The following TNNI3K variants were observed in gnomAD, a reference collection of about 807,000 sequenced individuals.
TNNI3K encodes serine/threonine-protein kinase TNNI3K.
A neutral mutation model predicts 114.5 loss-of-function variants in TNNI3K; 140 were observed. The ratio of observed to expected loss-of-function variants is 1.22; its 90% CI spans 1.07 to 1.41. TNNI3K has a LOEUF of 1.41. TNNI3K is among the 40% of genes most tolerant of loss of function. The pLI is 0.00. For missense variants in TNNI3K, 1,125 were observed against 1,007.6 expected (o/e 1.12, Z -1.58); for synonymous variants, 347 against 347.5 (o/e 1.00, Z 0.02).
intron 21 of TNNI3K, among the ~76,000 whole-genome samples, chr1:74,487,946 G>C (rs576439500): frequency 7.2e-5 from 11 of 152,168 alleles, no homozygotes; most frequent in Non-Finnish European, 1.3e-4. Flanking sequence ...TGGAGGCATT[G>C]GTCATGACAG....
chr1:74,542,630 A>G (rs1293637679), intron 24 of TNNI3K, among the ~76,000 whole-genome samples: 2 of 152,204 alleles, frequency 1.3e-5, no homozygotes, highest in African/African-American at 2.4e-5. Flanking sequence ...ATATTTTGAC[A>G]AGAGACCTTT....
intron 4 of TNNI3K, among the ~76,000 whole-genome samples, chr1:74,270,223 T>C (rs570017215): frequency 1.4e-4 from 21 of 151,680 alleles, no homozygotes; most frequent in Non-Finnish European, 3.0e-4. Flanking sequence ...GGTGAACTCA[T>C]TTGAGATTTA....
At chr1:74,415,416 G>A (rs1057355994) in intron 17 of TNNI3K, among the ~76,000 whole-genome samples, 7 of 152,150 alleles carry the variant, frequency 4.6e-5, no homozygotes, top group Non-Finnish European at 1.0e-4. Context: ...TGAGTATAGA[G>A]ATTTATGTAT....
intron 11 of TNNI3K, among the ~76,000 whole-genome samples, chr1:74,356,949 A>G (rs1661691562): frequency 6.6e-6 from 1 of 152,158 alleles, no homozygotes; most frequent in East Asian, 1.9e-4. Context: ...ATGTTTTGCA[A>G]ATGTTCTAGG....
At chr1:74,436,374 T>A in intron 18 of TNNI3K, 100 bp from the exon 19 acceptor site, 1 of 1,355,190 alleles carries the variant, frequency 7.4e-7, no homozygotes, top group Non-Finnish European at 9.9e-7. Flanking sequence ...AGAATTTGAA[T>A]AAGACAGAAG....
intron 17 of TNNI3K, among the ~76,000 whole-genome samples, chr1:74,420,603 C>T (rs1263402808): frequency 6.6e-6 from 1 of 152,256 alleles, no homozygotes; most frequent in Non-Finnish European, 1.5e-5. Context: ...AGCAGCATCA[C>T]AGCCTTCAGA....
At chr1:74,235,608 G>T (rs966533146) in intron 1 of TNNI3K, 117 bp downstream of exon 1, 1 of 579,526 alleles carries the variant, frequency 1.7e-6, no homozygotes, top group African/African-American at 2.0e-5. Context: ...AAGGCAGCAT[G>T]TTTTGTGAAA....
At chr1:74,541,934 G>T (rs1043055430) in intron 24 of TNNI3K, among the ~76,000 whole-genome samples, 3 of 152,156 alleles carry the variant, frequency 2.0e-5, no homozygotes, top group Non-Finnish European at 4.4e-5. Flanking sequence ...CTGCTTTGCC[G>T]CCAAAGAGCA....
intron 17 of TNNI3K, among the ~76,000 whole-genome samples, chr1:74,388,869 G>T (rs899122909): frequency 6.6e-6 from 1 of 152,114 alleles, no homozygotes; most frequent in African/African-American, 2.4e-5. Context: ...TTCAAATTAG[G>T]CAATAAGTAG....
At chr1:74,465,899 G>C (rs1170090436) in intron 21 of TNNI3K, among the ~76,000 whole-genome samples, 5 of 152,202 alleles carry the variant, frequency 3.3e-5, no homozygotes, top group Admixed American at 3.3e-4. Context: ...GGCCAGATAA[G>C]GGAATAAAAG....
chr1:74,364,929 C>A (rs1465018523), intron 11 of TNNI3K, among the ~76,000 whole-genome samples: 1 of 152,026 alleles, frequency 6.6e-6, no homozygotes, highest in Non-Finnish European at 1.5e-5. Context: ...TTTTGACCTC[C>A]AGAATTATAA....
chr1:74,435,816 G>A (rs1202078536), intron 17 of TNNI3K, among the ~76,000 whole-genome samples: 1 of 151,956 alleles, frequency 6.6e-6, no homozygotes, highest in Non-Finnish European at 1.5e-5. Flanking sequence ...CAGCTGATGG[G>A]TCTTTTTGAC....
At chr1:74,253,027 C>T (rs969985539) in intron 4 of TNNI3K, among the ~76,000 whole-genome samples, 1 of 152,126 alleles carries the variant, frequency 6.6e-6, no homozygotes, top group Non-Finnish European at 1.5e-5. Context: ...TCCATTTTGA[C>T]AAGGTGCTGA....
At chr1:74,468,830 G>T (rs774035955) in intron 21 of TNNI3K, among the ~76,000 whole-genome samples, 1 of 152,022 alleles carries the variant, frequency 6.6e-6, no homozygotes, top group Non-Finnish European at 1.5e-5. Flanking sequence ...ATTCTAAATT[G>T]TGAAGGTATG....
intron 23 of TNNI3K, among the ~76,000 whole-genome samples, chr1:74,505,418 C>T (rs1237752084): frequency 6.6e-6 from 1 of 152,146 alleles, no homozygotes; most frequent in Non-Finnish European, 1.5e-5. Flanking sequence ...TTGCTATGTT[C>T]GCAGCAATAA....
At chr1:74,384,953 C>T (rs982853268) in intron 17 of TNNI3K, among the ~76,000 whole-genome samples, 2 of 151,912 alleles carry the variant, frequency 1.3e-5, no homozygotes, top group Admixed American at 6.6e-5. Flanking sequence ...TCAACAGCAC[C>T]GATATATTGT....
chr1:74,424,581 T>C (rs1220192981), intron 17 of TNNI3K, among the ~76,000 whole-genome samples: 1 of 150,602 alleles, frequency 6.6e-6, no homozygotes, highest in Non-Finnish European at 1.5e-5. Context: ...TAACCAGGCA[T>C]GGTGGCAGGC....
At chr1:74,369,643 T>C in intron 16 of TNNI3K, 58 bp downstream of exon 16, 1 of 1,502,368 alleles carries the variant, frequency 6.7e-7, no homozygotes, top group Non-Finnish European at 8.9e-7. Context: ...ACTCTTGCAA[T>C]ACTTCAGAGG....
intron 6 of TNNI3K, among the ~76,000 whole-genome samples, chr1:74,334,434 G>A (rs1461090295): frequency 2.6e-5 from 4 of 152,170 alleles, no homozygotes; most frequent in African/African-American, 4.8e-5. Flanking sequence ...ACAATTGAGA[G>A]GGGTCAATTG....
Sources: gnomAD v4.1 joint callset for allele counts (sites outside exome capture counted in the v4.1 genomes callset) on GRCh38, gnomAD v4.1.1 for gene constraint, MANE v1.5 for transcripts, NCBI Gene and HGNC (gene_info 2026-07-23, HGNC 2026-07-21) for gene names.